Variants in DPP6 observed in about 807,000 individuals in gnomAD.
DPP6 encodes A-type potassium channel modulatory protein DPP6.
Under a neutral mutation model 122.6 loss-of-function variants are expected in DPP6, and 69 were observed. The ratio of observed to expected loss-of-function variants is 0.56; its 90% CI spans 0.46 to 0.69. The LOEUF (loss-of-function observed/expected upper bound fraction) is 0.69, where lower values mean the gene tolerates loss of function less well. Ranked by LOEUF, DPP6 falls within the 30% of genes least tolerant of loss-of-function variation. DPP6 has a pLI of 0.00. For synonymous variants in DPP6, 418 were observed against 433.1 expected (o/e 0.97, Z 0.43); for missense variants, 928 against 1,116.9 (o/e 0.83, Z 2.41).
rs539624007 is a variant in DPP6 at position 154,274,992 on chromosome 7, C to G, written c.244-171222C>G. On this transcript the variant is annotated intron_variant, in intron 1 of 25. Transcript: ENST00000377770. Reference sequence around the variant, plus strand: ...CCTTGTGCAGTTGGCACAGGCTCTGCCCCCATGCCTCTGGACCCTCAGCTG... The same window carrying G: ...CCTTGTGCAGTTGGCACAGGCTCTGGCCCCATGCCTCTGGACCCTCAGCTG... Among the ~76,000 whole-genome samples, 271 of 152,352 alleles carry G rather than the reference C, an allele frequency of 1.8e-3. 1 individual carries two copies. The highest frequency in any genetic ancestry group is 4.6e-3 in the Admixed American group (70 of 15,304).
At chr7:154,550,126 CTAATT>C (rs1389746315) in intron 4 of DPP6, among the ~76,000 whole-genome samples, 1 of 151,586 alleles carries the variant, frequency 6.6e-6, no homozygotes, top group Non-Finnish European at 1.5e-5. Flanking sequence ...TTATATTTAC[CTAATT>C]TATTTATTTT....
the DPP6 span, among the ~76,000 whole-genome samples, chr7:153,760,273 G>T: frequency 1.3e-5 from 2 of 152,008 alleles, no homozygotes; most frequent in Admixed American, 6.6e-5. Flanking sequence ...TTTTAATGTT[G>T]TCCATGTCTT....
At chr7:154,520,157 C>G (rs2129952185) in intron 3 of DPP6, among the ~76,000 whole-genome samples, 1 of 152,156 alleles carries the variant, frequency 6.6e-6, no homozygotes, top group Non-Finnish European at 1.5e-5. Context: ...CTCTCAGCAG[C>G]AGAAAGATTA....
At chr7:153,962,020 C>T (rs564301920) in intron 1 of DPP6, among the ~76,000 whole-genome samples, 131 of 148,558 alleles carry the variant, frequency 8.8e-4, no homozygotes, top group Non-Finnish European at 4.9e-4. Context: ...TGTGGGAGCA[C>T]AGACTACACT....
At chr7:154,211,527 G>T (rs2150808994) in intron 1 of DPP6, among the ~76,000 whole-genome samples, 1 of 152,318 alleles carries the variant, frequency 6.6e-6, no homozygotes, top group African/African-American at 2.4e-5. Flanking sequence ...TGAACATCCT[G>T]CTCTTTCAAA....
chr7:154,883,420 G>A (rs1297698150), intron 21 of DPP6: 1 of 102,704 alleles, frequency 9.7e-6, no homozygotes, highest in African/African-American at 4.1e-5. Flanking sequence ...CCATACACAT[G>A]CTCACACACA....
intron 5 of DPP6, among the ~76,000 whole-genome samples, chr7:154,573,790 T>C (rs1311196710): frequency 3.3e-5 from 5 of 152,346 alleles, no homozygotes; most frequent in Admixed American, 6.5e-5. Context: ...AAATCATATA[T>C]CCACGTTCTT....
intron 1 of DPP6, among the ~76,000 whole-genome samples, chr7:154,162,815 G>C (rs1198089981): frequency 2.6e-5 from 4 of 152,190 alleles, no homozygotes; most frequent in Non-Finnish European, 5.9e-5. Context: ...CTGGTGTTGA[G>C]TGGAACTCTG....
chr7:154,665,974 T>C (rs1838124522), intron 6 of DPP6, among the ~76,000 whole-genome samples: 1 of 152,002 alleles, frequency 6.6e-6, no homozygotes, highest in South Asian at 2.1e-4. Flanking sequence ...GAAACAAATT[T>C]ACTCACGGAA....
intron 17 of DPP6, among the ~76,000 whole-genome samples, chr7:154,864,760 G>A (rs1803705890): frequency 6.6e-6 from 1 of 152,188 alleles, no homozygotes; most frequent in African/African-American, 2.4e-5. Flanking sequence ...TGTGAAGGGT[G>A]GGATTTCAAT....
chr7:153,996,104 G>T (rs1212053052), intron 1 of DPP6, among the ~76,000 whole-genome samples: 4 of 152,066 alleles, frequency 2.6e-5, no homozygotes, highest in African/African-American at 9.7e-5. Flanking sequence ...TTAACAGATG[G>T]CACTGACTCT....
the DPP6 span, among the ~76,000 whole-genome samples, chr7:153,826,741 G>A: frequency 6.6e-6 from 1 of 152,038 alleles, no homozygotes; most frequent in Non-Finnish European, 1.5e-5. Flanking sequence ...ATATGCACTT[G>A]TTATTGGAGG....
chr7:154,412,407 C>T (rs1259028444), intron 1 of DPP6, among the ~76,000 whole-genome samples: 1 of 152,106 alleles, frequency 6.6e-6, no homozygotes, highest in East Asian at 1.9e-4. Context: ...CCTCACCTGT[C>T]CTTTCTGAAT....
intron 11 of DPP6, 126 bp from the exon 12 acceptor site, chr7:154,795,719 G>T: frequency 1.5e-6 from 2 of 1,362,316 alleles, no homozygotes; most frequent in Non-Finnish European, 1.0e-6. Flanking sequence ...TGCAATGCTT[G>T]TGCAGCGGCC....
chr7:153,887,734 G>T (rs781150778), exon 1 of DPP6: 43 of 1,613,692 alleles, frequency 2.7e-5, no homozygotes, highest in Non-Finnish European at 3.6e-5. Context: ...GGAACGTGAT[G>T]GTGAGTGCCA....
chr7:153,828,713 G>A, the DPP6 span, among the ~76,000 whole-genome samples: 1 of 152,174 alleles, frequency 6.6e-6, no homozygotes, highest in South Asian at 2.1e-4. Flanking sequence ...TGATAATTGA[G>A]AAGAAGCTAG....
intron 1 of DPP6, among the ~76,000 whole-genome samples, chr7:153,966,902 A>G (rs2129031484): frequency 6.6e-6 from 1 of 151,500 alleles, no homozygotes; most frequent in East Asian, 2.0e-4. Flanking sequence ...CCCCATCTCT[A>G]CCAAAAATAG....
chr7:154,528,691 TA>T (rs1306380815), intron 3 of DPP6, among the ~76,000 whole-genome samples: 1 of 152,222 alleles, frequency 6.6e-6, no homozygotes, highest in African/African-American at 2.4e-5. Flanking sequence ...TACAAACAAA[TA>T]ACTCTATCAT....
intron 16 of DPP6, among the ~76,000 whole-genome samples, chr7:154,835,916 C>G (rs1801010272): frequency 6.6e-6 from 1 of 152,166 alleles, no homozygotes; most frequent in Non-Finnish European, 1.5e-5. Flanking sequence ...CCTGATATGC[C>G]TGTGAGTGCT....
Sources: allele counts gnomAD v4.1 joint callset (sites outside exome capture counted in the v4.1 genomes callset), GRCh38; gene constraint gnomAD v4.1.1; transcripts MANE v1.5; gene names NCBI Gene and HGNC (gene_info 2026-07-23, HGNC 2026-07-21).